Variants in ATP11B observed in about 807,000 individuals in gnomAD.
ATP11B encodes the protein ATPase phospholipid transporting 11B (putative).
Under a neutral mutation model 157.8 loss-of-function variants are expected in ATP11B, and 81 were observed. The observed-to-expected ratio is 0.51, with a 90% CI of 0.43 to 0.62. The LOEUF (loss-of-function observed/expected upper bound fraction) is 0.62, where lower values mean the gene tolerates loss of function less well. Ranked by LOEUF, ATP11B falls within the 20% of genes least tolerant of loss-of-function variation. ATP11B has a pLI of 0.00. For missense variants in ATP11B, 1,165 were observed against 1,402.2 expected (o/e 0.83, Z 2.70); for synonymous variants, 451 against 469.4 (o/e 0.96, Z 0.51).
At chr3:182,886,435 T>C (rs1158619107) in intron 23 of ATP11B, among the ~76,000 whole-genome samples, 1 of 152,094 alleles carries the variant, frequency 6.6e-6, no homozygotes, top group Non-Finnish European at 1.5e-5. Context: ...AGGTTTTATC[T>C]CAGAAGCTAC....
intron 25 of ATP11B, among the ~76,000 whole-genome samples, chr3:182,891,293 C>T (rs887297184): frequency 6.6e-6 from 1 of 152,088 alleles, no homozygotes; most frequent in Admixed American, 6.6e-5. Flanking sequence ...TATTGCTAGT[C>T]ACTACTTTTT....
Position 182,879,509 on chromosome 3 carries a change from C to T in ATP11B, c.2266C>T (p.His756Tyr). The T allele has an allele frequency of 6.2e-7, 1 of 1,602,188 alleles. No homozygotes were observed. The highest frequency in any genetic ancestry group is 8.5e-7 in the Non-Finnish European group (1 of 1,176,682). Reference protein sequence around the residue: ...RQLARRITEDHVIQHGLVVDG... With the variant: ...RQLARRITEDYVIQHGLVVDG... The stretch of plus-strand genomic sequence containing the variant: ...TTTCTCTTTTAGAATTACAGAGGAT[C>T]ATGTGATTCAGCATGGGCTGGTAGT... The change falls in exon 20 of 30, where the codon CAT becomes TAT. Residue 756 changes from histidine to tyrosine, a missense_variant. His to Tyr is a moderately conservative substitution (Grantham distance 83). Coordinates refer to ENST00000323116, the MANE Select transcript of ATP11B (RefSeq NM_014616.3).
chr3:182,849,163 A>G (rs1198865038), intron 10 of ATP11B, among the ~76,000 whole-genome samples: 1 of 152,254 alleles, frequency 6.6e-6, no homozygotes, highest in African/African-American at 2.4e-5. Flanking sequence ...TAAAAACTGC[A>G]CATAAATTCT....
At chr3:182,825,135 C>G (rs1717629689) in intron 2 of ATP11B, among the ~76,000 whole-genome samples, 1 of 152,198 alleles carries the variant, frequency 6.6e-6, no homozygotes, top group Non-Finnish European at 1.5e-5. Flanking sequence ...AGCTTTTCTC[C>G]TGTCCCTTTG....
intron 23 of ATP11B, among the ~76,000 whole-genome samples, chr3:182,886,568 T>C (rs1035911591): frequency 3.9e-5 from 6 of 152,198 alleles, no homozygotes; most frequent in Admixed American, 2.6e-4. Flanking sequence ...TTTGTTTGCA[T>C]GCATGTCACA....
chr3:182,866,241 T>A, intron 13 of ATP11B, 27 bp from the exon 14 acceptor site: 1 of 1,465,320 alleles, frequency 6.8e-7, no homozygotes, highest in Non-Finnish European at 9.2e-7. Context: ...GATATTTTTA[T>A]CATGAATATT....
At chr3:182,856,617 A>C (rs1720424970) in intron 10 of ATP11B, among the ~76,000 whole-genome samples, 1 of 152,196 alleles carries the variant, frequency 6.6e-6, no homozygotes, top group Non-Finnish European at 1.5e-5. Flanking sequence ...TCATGTATAA[A>C]AATGCGAGCA....
chr3:182,794,333 C>T (rs547661812), intron 1 of ATP11B, among the ~76,000 whole-genome samples: 2 of 152,298 alleles, frequency 1.3e-5, no homozygotes, highest in African/African-American at 2.4e-5. Flanking sequence ...GTCTAGCCCC[C>T]TCAGCGAGAG....
intron 17 of ATP11B, 34 bp from the exon 18 acceptor site, chr3:182,872,322 A>G (rs758313308): frequency 3.7e-5 from 53 of 1,445,496 alleles, no homozygotes; most frequent in Middle Eastern, 1.8e-4. Context: ...TTTGTGTTCA[A>G]TTTTTGTCTT....
rs1725457964 is a variant in ATP11B, at chr3:182,921,136, AG to A, written c.*3034del. On this transcript the variant is annotated 3_prime_UTR_variant, in exon 30 of 30. Transcript: ENST00000323116. ...TATGCTACTCTGAAAAATCTCGTGA[AG>A]GCTGTAGGAAAAGGGAGAATCTTCC... 6.6e-6 allele frequency: 1 copy of A among 152,254 alleles called. No individual in the cohort carries two copies. Among genetic ancestry groups the A allele is most frequent in the Admixed American group, 6.5e-5 (1 of 15,292 alleles). The allele number at this position is 152,254 out of a possible 1,614,324, so 9.4% of individuals were successfully genotyped here.
intron 10 of ATP11B, among the ~76,000 whole-genome samples, chr3:182,852,886 T>C (rs1164131692): frequency 6.6e-6 from 1 of 152,226 alleles, no homozygotes; most frequent in Non-Finnish European, 1.5e-5. Flanking sequence ...AAAGGCACTG[T>C]TTATGTTGTG....
chr3:182,880,022 G>T (rs1021930478), intron 20 of ATP11B, among the ~76,000 whole-genome samples: 36 of 152,220 alleles, frequency 2.4e-4, no homozygotes, highest in Non-Finnish European at 4.4e-4. Flanking sequence ...TTCTCATGAA[G>T]TGATAATTCT....
At chr3:182,800,977 T>C (rs1357941600) in intron 1 of ATP11B, among the ~76,000 whole-genome samples, 3 of 151,296 alleles carry the variant, frequency 2.0e-5, no homozygotes, top group African/African-American at 7.3e-5. Context: ...TTTTTTCGTA[T>C]TGTTAGTAGA....
chr3:182,846,095 A>G (rs949748991), intron 9 of ATP11B, among the ~76,000 whole-genome samples: 2 of 152,202 alleles, frequency 1.3e-5, no homozygotes, highest in Non-Finnish European at 2.9e-5. Context: ...AACTATAAGC[A>G]AATTGTGAAG....
At chr3:182,908,196 CTTTTTTTTTTTT>C (rs10716562) in intron 28 of ATP11B, among the ~76,000 whole-genome samples, 5 of 70,746 alleles carry the variant, frequency 7.1e-5, no homozygotes, top group Non-Finnish European at 1.0e-4. Context: ...TTATTATTTT[CTTTTTTTTTTTT>C]TTTTTTTTTT....
At chr3:182,917,902 C>A in intron 29 of ATP11B, 121 bp from the exon 30 acceptor site, 1 of 1,414,258 alleles carries the variant, frequency 7.1e-7, no homozygotes, top group Non-Finnish European at 9.2e-7. Context: ...AAGAACCTCT[C>A]TTTAGTATTT....
Position 182,865,678 on chromosome 3 carries a change from C to T in ATP11B, c.1423C>T (p.Pro475Ser), listed in dbSNP as rs142307857. The T allele has an allele frequency of 8.7e-5, 140 of 1,611,066 alleles. No individual in the cohort carries two copies. Among genetic ancestry groups the T allele is most frequent in the Middle Eastern group, 1.6e-4 (1 of 6,068 alleles). The change falls in exon 13 of 30, where the codon CCT becomes TCT. Residue 475 changes from proline to serine, a missense_variant. Coordinates refer to ENST00000323116, the MANE Select transcript of ATP11B (RefSeq NM_014616.3). The stretch of plus-strand genomic sequence containing the variant: ...AACCAGTTCCTCTTTCAGAACCAGT[C>T]CTGAAAATGAAACTGAACTAGTAAG... The part of the protein sequence containing the change: ...LTTSSSFRTS[P>S]ENETELIKEH...
intron 4 of ATP11B, 99 bp downstream of exon 4, chr3:182,829,851 C>A: frequency 1.4e-6 from 2 of 1,401,558 alleles, no homozygotes; most frequent in Non-Finnish European, 1.9e-6. Context: ...AAAATAATTT[C>A]CATAAGAAAG....
rs558598644 is a variant in ATP11B, at chr3:182,919,513, T to C, written c.*1409T>C. 6.5e-6 allele frequency: 1 copy of C among 152,710 alleles called. No homozygotes were observed. The highest frequency in any genetic ancestry group is 2.4e-5 in the African/African-American group (1 of 41,590). 9.5% of individuals were successfully genotyped at this position (152,710 alleles called of 1,614,324 possible). A position where few individuals can be genotyped will look rare whatever the true frequency, so the allele number is the denominator to read the frequency against. On this transcript the variant is annotated 3_prime_UTR_variant, in exon 30 of 30. Coordinates refer to ENST00000323116, the MANE Select transcript of ATP11B (RefSeq NM_014616.3). ...TTGTCTTAAGATTTAGAAGTGATTA[T>C]TAGCTTGAGAACTATTACCCAGCTC... is the stretch of plus-strand genomic sequence containing the variant.
Sources: allele counts gnomAD v4.1 joint callset (sites outside exome capture counted in the v4.1 genomes callset), GRCh38; gene constraint gnomAD v4.1.1; transcripts MANE v1.5; gene names NCBI Gene and HGNC (gene_info 2026-07-23, HGNC 2026-07-21).